The following NELL1 variants were observed in gnomAD, a reference collection of about 807,000 sequenced individuals.
NELL1 encodes protein kinase C-binding protein NELL1.
Under a neutral mutation model 107.4 loss-of-function variants are expected in NELL1, and 76 were observed. That is an observed-to-expected ratio of 0.71 (90% CI 0.59 to 0.86). The LOEUF (loss-of-function observed/expected upper bound fraction) is 0.86, where lower values mean the gene tolerates loss of function less well. Among genes scored for constraint, NELL1 ranks in the 40% least tolerant of loss-of-function variants. NELL1 has a pLI of 0.00. For synonymous variants in NELL1, 353 were observed against 341.2 expected, an observed-to-expected ratio of 1.03 and a Z score of -0.38; for missense variants, 1,024 against 1,005.5, an observed-to-expected ratio of 1.02 and a Z score of -0.25.
chr11:21,483,285 A>C (rs1335045137), intron 15 of NELL1, among the ~76,000 whole-genome samples: 1 of 152,226 alleles, frequency 6.6e-6, no homozygotes, highest in East Asian at 1.9e-4. Flanking sequence ...TCACTTTACC[A>C]TGAATATAGT....
intron 12 of NELL1, among the ~76,000 whole-genome samples, chr11:21,104,321 G>A (rs1854894817): frequency 6.6e-6 from 1 of 152,188 alleles, no homozygotes; most frequent in Non-Finnish European, 1.5e-5. Context: ...AGAAATACCA[G>A]GTTGGGAAGA....
intron 7 of NELL1, among the ~76,000 whole-genome samples, chr11:20,920,639 T>C (rs1206445355): frequency 6.6e-6 from 1 of 152,094 alleles, no homozygotes; most frequent in African/African-American, 2.4e-5. Flanking sequence ...TTAATTATAT[T>C]TTAGCATGCT....
At chr11:21,500,684 C>T (rs946825701) in intron 15 of NELL1, among the ~76,000 whole-genome samples, 1 of 152,160 alleles carries the variant, frequency 6.6e-6, no homozygotes, top group Non-Finnish European at 1.5e-5. Flanking sequence ...TTAGCAGTGA[C>T]ATAATACTGT....
chr11:21,449,573 T>C (rs1853528187), intron 15 of NELL1, among the ~76,000 whole-genome samples: 2 of 152,176 alleles, frequency 1.3e-5, no homozygotes, highest in African/African-American at 4.8e-5. Context: ...TAAAGCTATT[T>C]TTATTCTTTT....
At chr11:21,337,052 T>G (rs1255394357) in intron 14 of NELL1, among the ~76,000 whole-genome samples, 1 of 152,052 alleles carries the variant, frequency 6.6e-6, no homozygotes, top group East Asian at 1.9e-4. Flanking sequence ...ATTGTTGAAA[T>G]GGAAAGAATT....
chr11:21,214,674 A>G (rs1315631280), intron 13 of NELL1, among the ~76,000 whole-genome samples: 13 of 152,082 alleles, frequency 8.5e-5, no homozygotes, highest in Non-Finnish European at 2.9e-5. Flanking sequence ...TGACCCTGCA[A>G]TCACACTTTC....
intron 14 of NELL1, among the ~76,000 whole-genome samples, chr11:21,313,877 C>T (rs1849804408): frequency 6.6e-6 from 1 of 151,900 alleles, no homozygotes; most frequent in Admixed American, 6.6e-5. Context: ...GAGGTGATTG[C>T]ATCATGGCAG....
intron 12 of NELL1, among the ~76,000 whole-genome samples, chr11:21,029,927 C>G (rs923335097): frequency 3.9e-5 from 6 of 152,144 alleles, no homozygotes; most frequent in African/African-American, 1.4e-4. Context: ...TACCTGAAAA[C>G]AAGATTGAAG....
chr11:20,838,122 T>G (rs1233750573), intron 3 of NELL1, among the ~76,000 whole-genome samples: 1 of 151,910 alleles, frequency 6.6e-6, no homozygotes, highest in African/African-American at 2.4e-5. Context: ...GATACGATAC[T>G]GTGAGAATTG....
intron 3 of NELL1, among the ~76,000 whole-genome samples, chr11:20,787,617 G>A (rs1030853775): frequency 6.6e-6 from 1 of 152,074 alleles, no homozygotes; most frequent in Non-Finnish European, 1.5e-5. Flanking sequence ...AGACACCCAG[G>A]TTCTTTTTGT....
At chr11:21,295,915 A>G (rs899519223) in intron 14 of NELL1, among the ~76,000 whole-genome samples, 3 of 152,072 alleles carry the variant, frequency 2.0e-5, no homozygotes, top group Admixed American at 2.0e-4. Context: ...CCAATTTTGC[A>G]AATACTTAAA....
At position 20,896,196 on chromosome 11, in the gene NELL1, C is replaced by A. The variant is rs1477523459; in HGVS notation, c.603+10656C>A. Among the ~76,000 whole-genome samples, 8 of 152,270 alleles carry A rather than the reference C, an allele frequency of 5.3e-5. No homozygotes were observed. In the East Asian group the frequency reaches 1.2e-3, roughly 22 times the overall value. ...TGTCATTCTTATACCTTTGTGCCCT[C>A]ATAGCTTAGCTCCCACTTATAAGTG... On this transcript the variant is annotated intron_variant, in intron 5 of 19. Transcript: ENST00000357134.
chr11:20,999,834 A>G (rs1852176151), intron 12 of NELL1, among the ~76,000 whole-genome samples: 2 of 152,094 alleles, frequency 1.3e-5, no homozygotes, highest in South Asian at 4.1e-4. Flanking sequence ...GCTTCAGTCA[A>G]TTAAGGTAGC....
chr11:21,215,941 A>G (rs1188332169), intron 13 of NELL1, among the ~76,000 whole-genome samples: 2 of 152,114 alleles, frequency 1.3e-5, no homozygotes, highest in Non-Finnish European at 2.9e-5. Context: ...AGGCAATGGG[A>G]AAAATGTCTC....
intron 13 of NELL1, among the ~76,000 whole-genome samples, chr11:21,132,774 G>A (rs1855653152): frequency 6.6e-6 from 1 of 152,094 alleles, no homozygotes. Flanking sequence ...GGTGAGCAGT[G>A]GGGTGGGGGA....
At chr11:21,344,310 A>C (rs554877702) in intron 14 of NELL1, among the ~76,000 whole-genome samples, 1 of 152,306 alleles carries the variant, frequency 6.6e-6, no homozygotes, top group South Asian at 2.1e-4. Flanking sequence ...TGCTGAGATA[A>C]CTTGGTGTCA....
chr11:21,292,188 G>A (rs543336545), intron 14 of NELL1, among the ~76,000 whole-genome samples: 6 of 152,266 alleles, frequency 3.9e-5, no homozygotes, highest in Admixed American at 2.6e-4. Flanking sequence ...TATCCTGTCA[G>A]CCCAAAATCT....
intron 12 of NELL1, among the ~76,000 whole-genome samples, chr11:20,971,208 C>T (rs1107085): frequency 0.042 from 6,405 of 152,184 alleles, 211 homozygotes; most frequent in Middle Eastern, 0.2. Context: ...GATGTACCTT[C>T]ACCTTAAAAA....
intron 5 of NELL1, among the ~76,000 whole-genome samples, chr11:20,893,394 AT>A (rs1426548929): frequency 1.3e-5 from 2 of 151,718 alleles, no homozygotes; most frequent in African/African-American, 4.8e-5. Flanking sequence ...AAATAAAAAA[AT>A]AATTAAAATT....
Sources: allele counts gnomAD v4.1 joint callset (sites outside exome capture counted in the v4.1 genomes callset), GRCh38; gene constraint gnomAD v4.1.1; transcripts MANE v1.5; gene names NCBI Gene and HGNC (gene_info 2026-07-23, HGNC 2026-07-21).